The following ZNF800 variants were observed in gnomAD, a reference collection of about 807,000 sequenced individuals.
The protein encoded by ZNF800 is zinc finger protein 800.
Under a neutral mutation model 59.5 loss-of-function variants are expected in ZNF800, and 13 were observed. The observed-to-expected ratio is 0.22, with a 90% CI of 0.14 to 0.35. The LOEUF (loss-of-function observed/expected upper bound fraction) is 0.35, where lower values mean the gene tolerates loss of function less well. Ranked by LOEUF, ZNF800 falls within the 10% of genes least tolerant of loss-of-function variation. The pLI is 1.00. For missense variants in ZNF800, 621 were observed against 783.7 expected (o/e 0.79, Z 2.48); for synonymous variants, 266 against 265.7 (o/e 1.00, Z -0.01).
chr7:127,380,492 G>T (rs1219414450), intron 3 of ZNF800, among the ~76,000 whole-genome samples: 1 of 152,144 alleles, frequency 6.6e-6, no homozygotes, highest in Admixed American at 6.5e-5. Flanking sequence ...CACAAACAGA[G>T]ATAATAAAAG....
chr7:127,356,019 T>G (rs1800263536), intron 1 of ZNF800, among the ~76,000 whole-genome samples: 1 of 151,902 alleles, frequency 6.6e-6, no homozygotes, highest in African/African-American at 2.4e-5. Context: ...AATCAAGAGG[T>G]GCCAGTTTTA....
At chr7:127,349,807 T>C (rs1229478347) in intron 1 of ZNF800, 1 of 152,236 alleles carries the variant, frequency 6.6e-6, no homozygotes, top group African/African-American at 2.4e-5. Flanking sequence ...CCCCAAATGA[T>C]GTAACCAAAC....
At chr7:127,343,572 C>G (rs1800005690), downstream of ZNF800, among the ~76,000 whole-genome samples, 1 of 151,860 alleles carries the variant, frequency 6.6e-6, no homozygotes, top group Admixed American at 6.6e-5. Context: ...AGATTGAGGC[C>G]TAAACAATGT....
intron 1 of ZNF800, among the ~76,000 whole-genome samples, chr7:127,359,113 AC>A: frequency 6.6e-6 from 1 of 152,286 alleles, no homozygotes; most frequent in Admixed American, 6.5e-5. Context: ...AACATGTAAT[AC>A]AAAGGCTTGC....
downstream of ZNF800, among the ~76,000 whole-genome samples, chr7:127,368,020 G>A (rs997318018): frequency 6.6e-6 from 1 of 152,002 alleles, no homozygotes; most frequent in African/African-American, 2.4e-5. Context: ...CCCAAATTTG[G>A]TGTGGAGCAA....
chr7:127,353,997 T>G (rs977118252), intron 1 of ZNF800, among the ~76,000 whole-genome samples: 4 of 152,144 alleles, frequency 2.6e-5, no homozygotes, highest in Non-Finnish European at 5.9e-5. Context: ...TTGGAGATTT[T>G]AAAATTTAGA....
rs1203759002 is a variant in ZNF800, at chr7:127,392,074, G to GGGCC, written c.-77_-74dup. The GGGCC allele has an allele frequency of 5.9e-5, 23 of 391,268 alleles. No homozygotes were observed. The highest frequency in any genetic ancestry group is 2.3e-5 in the Non-Finnish European group (5 of 221,574). The allele number at this position is 391,268 out of a possible 1,614,324, so 24.2% of individuals were successfully genotyped here. On this transcript the variant is annotated 5_prime_UTR_variant, in exon 1 of 6. Transcript: ENST00000265827. ...GCCCAACTTACTCAACTCTTAGGGC[G>GGGCC]GGCCGGCGGGCGGGCGGAAGGAAGG...
Position 127,376,736 on chromosome 7 carries a change from T to G in ZNF800, c.301+450A>C, listed in dbSNP as rs17869287. 4.3e-3 allele frequency among the ~76,000 whole-genome samples: 655 copies of G among 152,062 alleles called. 5 individuals carry two copies. The highest frequency in any genetic ancestry group is 0.015 in the African/African-American group (626 of 41,542). On this transcript the variant is annotated intron_variant, in intron 4 of 5. Transcript: ENST00000265827. Reference sequence around the variant, plus strand: ...CACCATTCCCAAGAAATGAACAAATTTACCTCATTCTTTGCTCTTTATTCC... The same window carrying G: ...CACCATTCCCAAGAAATGAACAAATGTACCTCATTCTTTGCTCTTTATTCC...
At chr7:127,378,758 T>C (rs1184913299) in intron 3 of ZNF800, among the ~76,000 whole-genome samples, 2 of 151,616 alleles carry the variant, frequency 1.3e-5, no homozygotes, top group East Asian at 3.9e-4. Flanking sequence ...GAGATAATTA[T>C]TGTTGATCCA....
chr7:127,379,726 G>C (rs561667701), intron 3 of ZNF800, among the ~76,000 whole-genome samples: 2 of 151,984 alleles, frequency 1.3e-5, no homozygotes, highest in Admixed American at 6.6e-5. Flanking sequence ...GTTATATTCA[G>C]TAGGGACTGC....
downstream of ZNF800, among the ~76,000 whole-genome samples, chr7:127,368,960 G>T (rs1416608964): frequency 6.6e-6 from 1 of 151,180 alleles, no homozygotes; most frequent in Non-Finnish European, 1.5e-5. Flanking sequence ...TAAAACCTAA[G>T]AATGGGTAAT....
chr7:127,349,855 T>C (rs1800138096), intron 1 of ZNF800: 1 of 152,228 alleles, frequency 6.6e-6, no homozygotes, highest in African/African-American at 2.4e-5. Context: ...GCATTTATTA[T>C]TGGTGCTACA....
At chr7:127,388,604 ATTT>A (rs61037490) in intron 2 of ZNF800, among the ~76,000 whole-genome samples, 142,207 of 152,266 alleles carry the variant, frequency 0.93, 66,473 homozygotes, top group East Asian at 1. Flanking sequence ...AATGTGTTCC[ATTT>A]GTATAAATGT....
downstream of ZNF800, among the ~76,000 whole-genome samples, chr7:127,343,808 C>T (rs17866311): frequency 4.3e-3 from 649 of 152,066 alleles, 5 homozygotes; most frequent in African/African-American, 0.015. Context: ...ACATCTCATG[C>T]AGAAATAATC....
chr7:127,389,153 GGA>G (rs1801232001), intron 2 of ZNF800, among the ~76,000 whole-genome samples: 2 of 152,094 alleles, frequency 1.3e-5, no homozygotes, highest in African/African-American at 4.8e-5. Context: ...CAAATATTAG[GGA>G]GAGAGAGTAA....
chr7:127,374,887 G>A lies in ZNF800; in HGVS notation c.449C>T (p.Thr150Ile). 2 of 1,613,896 alleles carry A rather than the reference G, an allele frequency of 1.2e-6. No individual in the cohort carries two copies. The highest frequency in any genetic ancestry group is 2.2e-5 in the East Asian group (1 of 44,860). Residue 150 changes from threonine to isoleucine, a missense_variant, in exon 5 of 6, where the codon ACT becomes ATT. Thr to Ile is a moderately conservative substitution (Grantham distance 89). Transcript: ENST00000265827. ...CTCTGTGACTTCAATAGGATTATCA[G>A]TCCTCGAAATATATTGAAATACTGC... ...QNAVFQYISR[T>I]DNPIEVTESS...
intron 3 of ZNF800, among the ~76,000 whole-genome samples, chr7:127,378,029 A>G (rs778684866): frequency 2.0e-5 from 3 of 152,040 alleles, no homozygotes; most frequent in South Asian, 2.1e-4. Context: ...TTTCTCCCTT[A>G]AAACACCCCA....
chr7:127,388,662 G>A (rs549811415), intron 2 of ZNF800, among the ~76,000 whole-genome samples: 1 of 152,136 alleles, frequency 6.6e-6, no homozygotes, highest in Admixed American at 6.5e-5. Flanking sequence ...CCACATGACA[G>A]CACCTCATTT....
At chr7:127,389,189 G>A (rs1354530039) in intron 2 of ZNF800, among the ~76,000 whole-genome samples, 5 of 152,268 alleles carry the variant, frequency 3.3e-5, no homozygotes, top group African/African-American at 1.2e-4. Flanking sequence ...AGGGGAATTG[G>A]GGGAGGAGGG....
Sources: allele counts gnomAD v4.1 joint callset (sites outside exome capture counted in the v4.1 genomes callset), GRCh38; gene constraint gnomAD v4.1.1; transcripts MANE v1.5; gene names NCBI Gene and HGNC (gene_info 2026-07-23, HGNC 2026-07-21).